Variants in USP1 observed in about 807,000 individuals in gnomAD.
USP1 encodes the protein ubiquitin carboxyl-terminal hydrolase 1.
A neutral mutation model predicts 72.2 loss-of-function variants in USP1; 18 were observed. That is an observed-to-expected ratio of 0.25 (90% confidence interval 0.17 to 0.37). The LOEUF is 0.37. Among genes scored for constraint, USP1 ranks in the 10% least tolerant of loss-of-function variants. The pLI is 1.00. For synonymous variants in USP1, 354 were observed against 303.7 expected, an observed-to-expected ratio of 1.17 and a Z score of -1.72; for missense variants, 759 against 884.9, an observed-to-expected ratio of 0.86 and a Z score of 1.81.
At position 62,448,603 on chromosome 1, in the gene USP1, T is replaced by C. The variant is rs747810919; in HGVS notation, c.1559T>C (p.Leu520Ser). Residue 520 changes from leucine (L) to serine (S), a missense_variant, in exon 8 of 9, where the codon TTG (leucine) becomes TCG (serine). Leu to Ser is a moderately radical substitution (Grantham distance 145). Transcript: ENST00000339950. ...TATACTGAAGCTGAACGAAGTCTTTTGTTTGACAAAATGCCTGAAGTTATA... is the reference window on the plus strand; with the variant it reads ...TATACTGAAGCTGAACGAAGTCTTTCGTTTGACAAAATGCCTGAAGTTATA... The part of the protein sequence containing the change: ...HHYTEAERSL[L>S]FDKMPEVITI... 3.1e-6 allele frequency: 5 copies of C among 1,613,720 alleles called. No homozygotes were observed. The highest frequency in any genetic ancestry group is 3.3e-5 in the Admixed American group (2 of 60,008).
At position 62,444,781 on chromosome 1, in the gene USP1, C is replaced by T; in HGVS notation, c.601C>T (p.Gln201Ter). The T allele has an allele frequency of 6.2e-7, 1 of 1,610,306 alleles. No individual in the cohort carries two copies. Among genetic ancestry groups the T allele is most frequent in the Non-Finnish European group, 8.5e-7 (1 of 1,178,736 alleles). ...TGAAGGATATCTACAGCATGATGCA[C>T]AGGAAGTATTACAATGTATTTTGGG... ...MYEGYLQHDA[Q>*]EVLQCILGNI... The change falls in exon 6 of 9, where the codon CAG becomes TAG. Residue 201 changes from glutamine (Q) to a stop codon, truncating the protein, a stop_gained. Coordinates refer to ENST00000339950, the MANE Select transcript of USP1 (RefSeq NM_003368.5). LOFTEE classifies it high-confidence loss of function.
chr1:62,445,057 T>C lies in USP1; in HGVS notation c.877T>C (p.Leu293=). 1 of 1,612,636 alleles carries C rather than the reference T, an allele frequency of 6.2e-7. No individual in the cohort carries two copies. Among genetic ancestry groups the C allele is most frequent in the Non-Finnish European group, 8.5e-7 (1 of 1,179,688 alleles). The change falls in exon 6 of 9, where the codon TTG becomes CTG. Residue 293 remains leucine (L), a synonymous_variant. Transcript: ENST00000339950. The part of the protein sequence containing the change: ...KVKLSKEHQS[L]EENQRQTRSK... ...TAAATTATCCAAGGAACACCAGTCA[T>C]TGGAAGAGAACCAGAGACAAACTAG...
At position 62,442,222 on chromosome 1, in the gene USP1, T is replaced by C; in HGVS notation, c.319T>C (p.Ser107Pro). The change falls in exon 4 of 9, where the codon TCT becomes CCT. Residue 107 changes from serine (S) to proline (P), a missense_variant. Ser to Pro is a moderately conservative substitution (Grantham distance 74, BLOSUM62 -1). This residue lies in a region of USP1 where 71 missense variants were observed against 71.0 expected (regional missense o/e 1.00). Coordinates refer to ENST00000339950, the MANE Select transcript of USP1 (RefSeq NM_003368.5). Reference sequence around the variant, plus strand: ...ATTATATTTTTGTCCCGGTTTTAAATCTGGAGTAAAGCACTTATTTAATAT... The same window carrying C: ...ATTATATTTTTGTCCCGGTTTTAAACCTGGAGTAAAGCACTTATTTAATAT... ...QVLYFCPGFK[S>P]GVKHLFNIIS... The C allele has an allele frequency of 2.5e-6, 4 of 1,603,892 alleles. No homozygotes were observed. The highest frequency in any genetic ancestry group is 3.4e-6 in the Non-Finnish European group (4 of 1,173,308).
Position 62,439,986 on chromosome 1 carries a change from C to G in USP1, c.119C>G (p.Thr40Arg), listed in dbSNP as rs771303677. 1.3e-6 allele frequency: 2 copies of G among 1,552,280 alleles called. No individual in the cohort carries two copies. The highest frequency in any genetic ancestry group is 2.5e-5 in the South Asian group (2 of 79,748). Residue 40 changes from threonine (T) to arginine (R), a missense_variant, in exon 2 of 9, where the codon ACA becomes AGA. Physicochemically the swap from Thr to Arg is moderately conservative, Grantham distance 71 (BLOSUM62 -1). Around this residue, in one of 9 missense-constraint regions of USP1, gnomAD observed 86 missense variants for 82.0 expected, o/e 1.05. Transcript: ENST00000339950. ...GAAACTAAGAGAGCTTTGGATTTCA[C>G]AGATTCTCAAGAAAATGAAGAAAAA... ...KKETKRALDF[T>R]DSQENEEKAS...
At chr1:62,440,600 C>A (rs1188565863) in intron 2 of USP1, among the ~76,000 whole-genome samples, 1 of 152,180 alleles carries the variant, frequency 6.6e-6, no homozygotes, top group Non-Finnish European at 1.5e-5. Flanking sequence ...CTGTACTACT[C>A]CCTGTTTAAC....
intron 7 of USP1, 65 bp downstream of exon 7, chr1:62,447,576 G>GT: frequency 1.3e-6 from 2 of 1,525,366 alleles, no homozygotes; most frequent in East Asian, 2.3e-5. Context: ...ACAACACAAA[G>GT]TTTAATAGTA....
At chr1:62,447,848 G>A (rs555899636) in intron 7 of USP1, among the ~76,000 whole-genome samples, 17 of 152,120 alleles carry the variant, frequency 1.1e-4, no homozygotes, top group Admixed American at 6.5e-4. Flanking sequence ...GTGCAGTGGC[G>A]TGATCTCGGC....
At chr1:62,440,160 C>T (rs946243587) in intron 2 of USP1, 123 bp downstream of exon 2, 11 of 832,380 alleles carry the variant, frequency 1.3e-5, no homozygotes, top group Non-Finnish European at 1.8e-5. Flanking sequence ...CAGTGTACTT[C>T]TTAGTCAAAT....
intron 5 of USP1, among the ~76,000 whole-genome samples, 173 bp downstream of exon 5, chr1:62,443,492 G>T (rs563853082): frequency 6.6e-6 from 1 of 152,222 alleles, no homozygotes; most frequent in African/African-American, 2.4e-5. Context: ...CATAAATTTG[G>T]TGCTAAATTC....
At chr1:62,447,797 A>T (rs796853891) in intron 7 of USP1, among the ~76,000 whole-genome samples, 2 of 151,694 alleles carry the variant, frequency 1.3e-5, no homozygotes, top group South Asian at 4.2e-4. Context: ...GTTTTTTTTA[A>T]TTTTTTTGAG....
In USP1 at chr1:62,439,278, G is replaced by A. The variant is rs189699289; in HGVS notation, c.-69-521G>A. Reference sequence around the variant, plus strand: ...CGGCTCACTGCAGCCTCCGCCTCCCGGATTCAAGGGATTCTCCTGTCTCAG... The same window carrying A: ...CGGCTCACTGCAGCCTCCGCCTCCCAGATTCAAGGGATTCTCCTGTCTCAG... On this transcript the variant is annotated intron_variant, in intron 1 of 8. Coordinates refer to ENST00000339950, the MANE Select transcript of USP1 (RefSeq NM_003368.5). 1.9e-3 allele frequency among the ~76,000 whole-genome samples: 285 copies of A among 152,046 alleles called. 1 individual carries two copies. Among genetic ancestry groups the A allele is most frequent in the African/African-American group, 6.7e-3 (276 of 41,476 alleles).
At position 62,439,965 on chromosome 1, in the gene USP1, C is replaced by G. The variant is rs1645121118; in HGVS notation, c.98C>G (p.Thr33Ser). The change falls in exon 2 of 9, where the codon ACT (threonine) becomes AGT (serine). Residue 33 changes from threonine (T) to serine (S), a missense_variant. Transcript: ENST00000339950. ...TTAAAGTTTTTTCAGAAAAAGGAAACTAAGAGAGCTTTGGATTTCACAGAT... is the reference window on the plus strand; with the variant it reads ...TTAAAGTTTTTTCAGAAAAAGGAAAGTAAGAGAGCTTTGGATTTCACAGAT... ...LSLKFFQKKE[T>S]KRALDFTDSQ... 1 of 1,562,672 alleles carries G rather than the reference C, an allele frequency of 6.4e-7. No individual in the cohort carries two copies. The highest frequency in any genetic ancestry group is 8.6e-7 in the Non-Finnish European group (1 of 1,159,468).
chr1:62,439,483 C>T (rs1645116981), intron 1 of USP1, among the ~76,000 whole-genome samples: 1 of 152,162 alleles, frequency 6.6e-6, no homozygotes, highest in Non-Finnish European at 1.5e-5. Flanking sequence ...GCTTCCGGCC[C>T]TTGAAATAAT....
At chr1:62,446,115 A>G (rs1645171208) in intron 6 of USP1, among the ~76,000 whole-genome samples, 1 of 152,326 alleles carries the variant, frequency 6.6e-6, no homozygotes, top group South Asian at 2.1e-4. Flanking sequence ...AAAAGTAAAG[A>G]CTAAGTACAG....
rs757241598 is a variant in USP1, at chr1:62,447,412, T to C, written c.1321T>C (p.Leu441=). The C allele has an allele frequency of 2.5e-6, 4 of 1,614,146 alleles. No homozygotes were observed. The highest frequency in any genetic ancestry group is 2.5e-6 in the Non-Finnish European group (3 of 1,180,018). The change falls in exon 7 of 9, where the codon TTG becomes CTG. Residue 441 remains leucine, a synonymous_variant. Coordinates refer to ENST00000339950, the MANE Select transcript of USP1 (RefSeq NM_003368.5). ...TCAGCTGGTATTAAGGACGCGTTGC[T>C]TGGAATGTGAAAGTTTAACAGAAAG... ...QGQLVLRTRC[L]ECESLTERRE...
intron 5 of USP1, 119 bp downstream of exon 5, chr1:62,443,438 C>A: frequency 9.5e-7 from 1 of 1,053,898 alleles, no homozygotes; most frequent in Non-Finnish European, 1.3e-6. Flanking sequence ...TCTAGGTCCA[C>A]AGTCCTTTAT....
intron 6 of USP1, among the ~76,000 whole-genome samples, chr1:62,445,732 A>G (rs1025353317): frequency 1.3e-5 from 2 of 152,148 alleles, no homozygotes; most frequent in Non-Finnish European, 2.9e-5. Context: ...CAATCCCAGT[A>G]CTTTGGGAGG....
Position 62,445,391 on chromosome 1 carries a change from C to T in USP1, c.1211C>T (p.Thr404Ile). 5 of 1,591,536 alleles carry T rather than the reference C, an allele frequency of 3.1e-6. No homozygotes were observed. Among genetic ancestry groups the T allele is most frequent in the South Asian group, 1.2e-5 (1 of 86,376 alleles). The change falls in exon 6 of 9, where the codon ACA (threonine) becomes ATA (isoleucine). Residue 404 changes from threonine (T) to isoleucine (I), a missense_variant. Around this residue, in one of 9 missense-constraint regions of USP1, gnomAD observed 245 missense variants for 240.7 expected, o/e 1.02. Coordinates refer to ENST00000339950, the MANE Select transcript of USP1 (RefSeq NM_003368.5). Reference sequence around the variant, plus strand: ...CTTGAATCTCCAGGAAATACTGTTACACCTGTAAATGTTAATGAAGTTAAA... The same window carrying T: ...CTTGAATCTCCAGGAAATACTGTTATACCTGTAAATGTTAATGAAGTTAAA... ...CGLESPGNTVTPVNVNEVKPI... is the reference protein window; with the variant it reads ...CGLESPGNTVIPVNVNEVKPI...
intron 7 of USP1, among the ~76,000 whole-genome samples, chr1:62,448,032 C>T (rs1419982702): frequency 5.9e-5 from 9 of 152,242 alleles, no homozygotes; most frequent in East Asian, 3.9e-4. Context: ...GTGATCCGCC[C>T]GCCTTGGCCT....
Sources: gnomAD v4.1 joint callset for allele counts (sites outside exome capture counted in the v4.1 genomes callset) on GRCh38, gnomAD v4.1.1 for gene constraint, gnomAD v4.1.1 regional missense constraint, MANE v1.5 for transcripts, NCBI Gene and HGNC (gene_info 2026-07-23, HGNC 2026-07-21) for gene names.